Variants in AHNAK observed in about 807,000 individuals in gnomAD.
AHNAK encodes AHNAK nucleoprotein.
AHNAK carries 23 observed loss-of-function variants against 37.8 expected under a neutral mutation model. The ratio of observed to expected loss-of-function variants is 0.61; its 90% CI spans 0.44 to 0.86. AHNAK has a LOEUF of 0.86. Ranked by LOEUF, AHNAK falls within the 40% of genes least tolerant of loss-of-function variation. The pLI, the probability that AHNAK is intolerant of heterozygous loss-of-function variation, is 0.00. For missense variants in AHNAK, 7,411 were observed against 7,319.4 expected (o/e 1.01, Z -0.46); for synonymous variants, 2,481 against 2,636.3 (o/e 0.94, Z 1.80).
intron 5 of AHNAK, among the ~76,000 whole-genome samples, chr11:62,461,811 C>T (rs537750437): frequency 2.9e-5 from 4 of 137,266 alleles, no homozygotes; most frequent in East Asian, 2.1e-4. Flanking sequence ...GGCAACAGAG[C>T]GAAACGACAT....
At chr11:62,450,611 G>A (rs1053182122) in intron 5 of AHNAK, among the ~76,000 whole-genome samples, 6 of 152,198 alleles carry the variant, frequency 3.9e-5, no homozygotes, top group African/African-American at 1.4e-4. Context: ...CAGCTGTGCC[G>A]TGTCCCTCAC....
At chr11:62,493,656 G>T (rs1050904469) in intron 4 of AHNAK, among the ~76,000 whole-genome samples, 25 of 114,728 alleles carry the variant, frequency 2.2e-4, no homozygotes, top group Middle Eastern at 3.8e-3. Context: ...TTTAAGAGAT[G>T]GGGGGGGTCC....
intron 5 of AHNAK, among the ~76,000 whole-genome samples, chr11:62,481,013 C>A (rs528713818): frequency 1.3e-5 from 2 of 152,138 alleles, no homozygotes; most frequent in Admixed American, 1.3e-4. Flanking sequence ...GCTCCTGTAG[C>A]TCCTGGGCTG....
chr11:62,484,052 A>AG (rs1565209864), intron 5 of AHNAK, among the ~76,000 whole-genome samples: 2 of 150,678 alleles, frequency 1.3e-5, no homozygotes, highest in East Asian at 2.0e-4. Context: ...AAAAAAAAAA[A>AG]AAAAGAAAGG....
chr11:62,497,994 A>T (rs1311928888), intron 4 of AHNAK, among the ~76,000 whole-genome samples: 1 of 152,084 alleles, frequency 6.6e-6, no homozygotes, highest in Admixed American at 6.6e-5. Context: ...ACTGGAAATG[A>T]CTTAAAAGTC....
rs375738122 is a variant in AHNAK, at chr11:62,544,586, A to G, written c.-100+2074T>C. 7.7e-4 allele frequency among the ~76,000 whole-genome samples: 117 copies of G among 151,812 alleles called. 2 individuals carry two copies. The South Asian group carries it at 0.022, about 29-fold the overall frequency. On this transcript the variant is annotated intron_variant, in intron 1 of 4. Coordinates refer to ENST00000378024, the MANE Select transcript of AHNAK (RefSeq NM_001620.3). ...TCCTCTCCCACCCTCCCTCACCCCA[A>G]AGCTCACAGCTCAGAGCAAAGAGGT...
rs114543137 is a variant in AHNAK, at chr11:62,465,876, A to G, written c.442+25856T>C. Among the ~76,000 whole-genome samples, 334 of 152,296 alleles carry G rather than the reference A, an allele frequency of 2.2e-3. 1 individual carries two copies. The highest frequency in any genetic ancestry group is 7.5e-3 in the African/African-American group (312 of 41,560). On this transcript the variant is annotated intron_variant, in intron 5 of 5. Coordinates refer to the AHNAK transcript ENST00000257247. ...TCTTCCCTAGAACCTTTCAGAGGGA[A>G]CATGACCCTGCTAGCACTGTAATTT...
chr11:62,484,139 G>A (rs2134877426), intron 5 of AHNAK, among the ~76,000 whole-genome samples: 1 of 152,224 alleles, frequency 6.6e-6, no homozygotes, highest in African/African-American at 2.4e-5. Context: ...TGCTTTGGGA[G>A]GCTGAGGCAG....
At chr11:62,441,027 G>C (rs1938295451) in intron 5 of AHNAK, among the ~76,000 whole-genome samples, 1 of 151,218 alleles carries the variant, frequency 6.6e-6, no homozygotes, top group Admixed American at 6.6e-5. Context: ...TGAGACAAGA[G>C]TTTCACTCTG....
chr11:62,489,772 G>T (rs540290456), intron 5 of AHNAK, among the ~76,000 whole-genome samples: 1 of 151,952 alleles, frequency 6.6e-6, no homozygotes, highest in East Asian at 1.9e-4. Flanking sequence ...AGAGAGTCCC[G>T]AGTGAGAAAA....
At position 62,518,863 on chromosome 11, in the gene AHNAK, G is replaced by A. The variant is rs116797830; in HGVS notation, c.15554C>T (p.Pro5185Leu). ...TTGAGGGGCAGAAATGCCGAAGGAC[G>A]GTGTTTTGACTTTAGCATCTAGGCC... is the stretch of plus-strand genomic sequence containing the variant. ...IEGLDAKVKTPSFGISAPQVS... is the reference protein window; with the variant it reads ...IEGLDAKVKTLSFGISAPQVS... Residue 5185 changes from proline (P) to leucine (L), a missense_variant, in exon 5 of 5, where the codon CCG becomes CTG. Pro to Leu is a moderately conservative substitution (Grantham distance 98). Transcript: ENST00000378024. 5.8e-5 allele frequency: 94 copies of A among 1,614,186 alleles called. No homozygotes were observed. Among genetic ancestry groups the A allele is most frequent in the African/African-American group, 1.2e-4 (9 of 75,042 alleles).
rs749068113 is a variant in AHNAK at position 62,528,180 on chromosome 11, GACA to G, written c.6234_6236del (p.Val2079del). 13 of 1,613,860 alleles carry G rather than the reference GACA, an allele frequency of 8.1e-6. No individual in the cohort carries two copies. Among genetic ancestry groups the G allele is most frequent in the South Asian group, 3.3e-5 (3 of 91,066 alleles). On this transcript the variant is annotated inframe_deletion, in exon 5 of 5. Transcript: ENST00000378024. ...CTTCAACATCCACCTTGGGTCCTGA[GACA>G]ACAACATCAGCCTTGGGCAAGTTCA... is the stretch of plus-strand genomic sequence containing the variant.
At chr11:62,500,584 A>G (rs961889150) in intron 4 of AHNAK, among the ~76,000 whole-genome samples, 12 of 152,196 alleles carry the variant, frequency 7.9e-5, no homozygotes, top group Admixed American at 6.5e-4. Context: ...GAACCTCCCC[A>G]GTGACTTAAA....
chr11:62,523,974 TTTGGGCATTTTCATC>T lies in AHNAK; in HGVS notation c.10428_10442del (p.Met3477_Lys3481del), dbSNP rs749918181. 20 of 1,612,424 alleles carry T rather than the reference TTTGGGCATTTTCATC, an allele frequency of 1.2e-5. No individual in the cohort carries two copies. Among genetic ancestry groups the T allele is most frequent in the East Asian group, 4.5e-5 (2 of 44,734 alleles). ...CTGCTTTTAAGCCAGACACACTGAA[TTTGGGCATTTTCATC>T]TTGGGCATTTTCAGATTCCAGTCTG... is the stretch of plus-strand genomic sequence containing the variant. On this transcript the variant is annotated inframe_deletion, in exon 5 of 5. Transcript: ENST00000378024.
rs928926426 is a variant in AHNAK, at chr11:62,525,802, T to C, written c.8615A>G (p.Lys2872Arg). ...GDLKGPEVDL[K>R]GPKVDIDVPD... Reference sequence around the variant, plus strand: ...GACATCAATGTCCACTTTGGGGCCTTTGAGGTCAACTTCAGGACCTTTCAG... The same window carrying C: ...GACATCAATGTCCACTTTGGGGCCTCTGAGGTCAACTTCAGGACCTTTCAG... The change falls in exon 5 of 5, where the codon AAA becomes AGA. Residue 2872 changes from lysine (K) to arginine (R), a missense_variant. By Grantham distance (26) the Lys-to-Arg change is conservative. Coordinates refer to ENST00000378024, the MANE Select transcript of AHNAK (RefSeq NM_001620.3). The C allele has an allele frequency of 1.2e-6, 2 of 1,613,728 alleles. No homozygotes were observed. The highest frequency in any genetic ancestry group is 2.2e-5 in the East Asian group (1 of 44,854).
At chr11:62,449,583 A>C (rs1437467036) in intron 5 of AHNAK, among the ~76,000 whole-genome samples, 2 of 152,126 alleles carry the variant, frequency 1.3e-5, no homozygotes, top group African/African-American at 4.8e-5. Flanking sequence ...TCTTCACCCT[A>C]GTCTGATGAA....
chr11:62,486,381 G>A (rs1404606253), intron 5 of AHNAK, among the ~76,000 whole-genome samples: 1 of 152,126 alleles, frequency 6.6e-6, no homozygotes, highest in Non-Finnish European at 1.5e-5. Flanking sequence ...GCTGAGGCAG[G>A]AGAATCGCTT....
intron 5 of AHNAK, among the ~76,000 whole-genome samples, chr11:62,465,009 C>T (rs1303765951): frequency 2.6e-5 from 4 of 152,144 alleles, no homozygotes; most frequent in Non-Finnish European, 5.9e-5. Context: ...ATCCCACATC[C>T]TCCTGGCTTT....
chr11:62,529,262 T>C lies in AHNAK; in HGVS notation c.5155A>G (p.Lys1719Glu). 1 of 1,614,196 alleles carries C rather than the reference T, an allele frequency of 6.2e-7. No individual in the cohort carries two copies. Among genetic ancestry groups the C allele is most frequent in the South Asian group, 1.1e-5 (1 of 91,080 alleles). ...HLKMPKMKMP[K>E]FSMPGFKAEG... ...GCTTTGAAGCCAGGCATACTGAACT[T>C]GGGCATTTTCATCTTGGGCATTTTC... Residue 1719 changes from lysine (K) to glutamate (E), a missense_variant, in exon 5 of 5, where the codon AAG becomes GAG. Lys to Glu is a moderately conservative substitution (Grantham distance 56). Transcript: ENST00000378024.
Sources: gnomAD v4.1 joint callset for allele counts (sites outside exome capture counted in the v4.1 genomes callset) on GRCh38, gnomAD v4.1.1 for gene constraint, MANE v1.5 for transcripts, NCBI Gene and HGNC (gene_info 2026-07-23, HGNC 2026-07-21) for gene names.